ANXA5: variants seen among roughly 807,000 people sequenced by gnomAD.
ANXA5 encodes the protein CBP-I.
In ANXA5, 40 loss-of-function variants were observed where a neutral mutation model predicts 48.1. The observed-to-expected ratio is 0.83, with a 90% confidence interval of 0.65 to 1.08. The LOEUF is 1.08. ANXA5 is among the 50% of genes least tolerant of loss of function. The probability of loss-of-function intolerance (pLI) is 0.00; values close to 1 mark genes in which losing one functional copy is unlikely to be tolerated. For synonymous variants in ANXA5, 113 were observed against 129.1 expected, an observed-to-expected ratio of 0.88 and a Z score of 0.85; for missense variants, 357 against 376.8, an observed-to-expected ratio of 0.95 and a Z score of 0.44.
intron 12 of ANXA5, among the ~76,000 whole-genome samples, chr4:121,669,054 G>GAA (rs35301456): frequency 0.014 from 1,984 of 141,808 alleles, 21 homozygotes; most frequent in Middle Eastern, 0.022. Flanking sequence ...ACCTTTACTG[G>GAA]AAAAAAAAAA....
At chr4:121,689,955 T>G (rs1025965765) in intron 2 of ANXA5, among the ~76,000 whole-genome samples, 8 of 118,498 alleles carry the variant, frequency 6.8e-5, no homozygotes, top group Non-Finnish European at 1.9e-5. Context: ...CATTTCTCCA[T>G]AGTAGGCTTG....
intron 3 of ANXA5, among the ~76,000 whole-genome samples, chr4:121,685,311 G>C (rs56273607): frequency 0.053 from 8,067 of 152,118 alleles, 241 homozygotes; most frequent in South Asian, 0.12. Context: ...TGCCTCAGGA[G>C]AGATCTAGGT....
At chr4:121,678,361 C>T in intron 7 of ANXA5, 54 bp downstream of exon 7, 5 of 1,448,676 alleles carry the variant, frequency 3.5e-6, no homozygotes, top group Non-Finnish European at 4.8e-6. Context: ...CTAGATTCAG[C>T]CCAGTCCAAC....
chr4:121,674,818 C>T (rs1420280842), intron 8 of ANXA5, among the ~76,000 whole-genome samples: 3 of 152,152 alleles, frequency 2.0e-5, no homozygotes, highest in Non-Finnish European at 4.4e-5. Flanking sequence ...GGATGAGGGA[C>T]CCTTACACCC....
chr4:121,695,205 T>C (rs556172254), intron 2 of ANXA5, among the ~76,000 whole-genome samples: 62 of 152,234 alleles, frequency 4.1e-4, no homozygotes, highest in Non-Finnish European at 7.1e-4. Flanking sequence ...ATCCTTTCTA[T>C]GGAGAAGAAC....
intron 8 of ANXA5, among the ~76,000 whole-genome samples, chr4:121,674,182 A>AGGGAGGGGAG (rs1204861453): frequency 1.3e-5 from 1 of 74,116 alleles, no homozygotes; most frequent in Non-Finnish European, 2.8e-5. Context: ...AAAGGGGAAG[A>AGGGAGGGGAG]GGGAGGGGAG....
chr4:121,690,962 G>A (rs939258353), intron 2 of ANXA5, among the ~76,000 whole-genome samples: 1 of 152,190 alleles, frequency 6.6e-6, no homozygotes, highest in Non-Finnish European at 1.5e-5. Flanking sequence ...GACATCCTGT[G>A]CAAACCCCAT....
Position 121,668,271 on chromosome 4 carries a change from G to T in ANXA5, c.*197C>A. ...ACATTAAGTACACTTTAGTACTACA[G>T]CAGTCAAAGAGATCTCCACTAGAGA... On this transcript the variant is annotated 3_prime_UTR_variant, in exon 13 of 13. Transcript: ENST00000296511. 1 of 542,158 alleles carries T rather than the reference G, an allele frequency of 1.8e-6. No individual in the cohort carries two copies. The highest frequency in any genetic ancestry group is 3.3e-6 in the Non-Finnish European group (1 of 302,964). 33.6% of individuals were successfully genotyped at this position (542,158 alleles called of 1,614,324 possible).
intron 8 of ANXA5, among the ~76,000 whole-genome samples, chr4:121,675,357 C>T (rs1436095276): frequency 2.0e-5 from 3 of 152,190 alleles, no homozygotes; most frequent in Non-Finnish European, 2.9e-5. Context: ...CTTTAGCTGT[C>T]TCAGCTTACT....
At chr4:121,692,816 A>T (rs759673079) in intron 2 of ANXA5, among the ~76,000 whole-genome samples, 1 of 152,250 alleles carries the variant, frequency 6.6e-6, no homozygotes, top group Non-Finnish European at 1.5e-5. Flanking sequence ...TGCATCTATT[A>T]TATCAATAAA....
chr4:121,689,395 A>G (rs1287019680), intron 2 of ANXA5, among the ~76,000 whole-genome samples: 2 of 152,216 alleles, frequency 1.3e-5, no homozygotes, highest in Non-Finnish European at 2.9e-5. Flanking sequence ...CCCTCAAGTT[A>G]AGTGTGAAAT....
At position 121,672,631 on chromosome 4, in the gene ANXA5, A is replaced by G. The variant is rs1487396506; in HGVS notation, c.532-5T>C. 3 of 1,608,512 alleles carry G rather than the reference A, an allele frequency of 1.9e-6. No homozygotes were observed. Among genetic ancestry groups the G allele is most frequent in the Non-Finnish European group, 2.6e-6 (3 of 1,175,404 alleles). ...TTCTCCAGCCTGAAATAAAGCCTGC[A>G]AAAATTTCAAACTCAATTAATAAAT... On this transcript the variant is annotated splice_region_variant and splice_polypyrimidine_tract_variant and intron_variant, in intron 8 of 12. Coordinates refer to ENST00000296511, the MANE Select transcript of ANXA5 (RefSeq NM_001154.4).
chr4:121,672,749 T>G, intron 8 of ANXA5, 123 bp from the exon 9 acceptor site: 1 of 710,206 alleles, frequency 1.4e-6, no homozygotes, highest in Non-Finnish European at 2.4e-6. Flanking sequence ...TATTAATAGT[T>G]TTCATTTCTA....
intron 3 of ANXA5, among the ~76,000 whole-genome samples, chr4:121,685,520 GA>G (rs2110487313): frequency 6.6e-6 from 1 of 152,326 alleles, no homozygotes; most frequent in South Asian, 2.1e-4. Context: ...ATAAACAGCA[GA>G]TAAGCCAGGA....
chr4:121,675,616 C>T (rs1724684280), intron 8 of ANXA5, among the ~76,000 whole-genome samples: 1 of 152,162 alleles, frequency 6.6e-6, no homozygotes, highest in South Asian at 2.1e-4. Flanking sequence ...AAAGTAACTC[C>T]ATAAAGCAGT....
rs1472397055 is a variant in ANXA5 at position 121,672,591 on chromosome 4, T to G, written c.567A>C (p.Thr189=). The G allele has an allele frequency of 6.2e-7, 1 of 1,613,802 alleles. No homozygotes were observed. Among genetic ancestry groups the G allele is most frequent in the Non-Finnish European group, 8.5e-7 (1 of 1,179,902 alleles). Residue 189 remains threonine, a synonymous_variant, in exon 9 of 13, where the codon ACA becomes ACC. Coordinates refer to ENST00000296511, the MANE Select transcript of ANXA5 (RefSeq NM_001154.4). ...LFQAGELKWG[T]DEEKFITIFG... Reference sequence around the variant, plus strand: ...AGATGGTGATAAACTTTTCTTCATCTGTCCCCCATTTAAGTTCTCCAGCCT... The same window carrying G: ...AGATGGTGATAAACTTTTCTTCATCGGTCCCCCATTTAAGTTCTCCAGCCT...
Position 121,669,727 on chromosome 4 carries a change from T to TAA in ANXA5, c.781-4_781-3insTT. 3 of 1,537,972 alleles carry TAA rather than the reference T, an allele frequency of 2.0e-6. No individual in the cohort carries two copies. The South Asian group carries it at 3.7e-5, about 19-fold the overall frequency. ...GTATGATCATCTGTCCCAGCTCCCT[T>TAA]TAAAAAAAAAAAAAAAGAGAGAAGC... On this transcript the variant is annotated splice_region_variant and splice_polypyrimidine_tract_variant and intron_variant, in intron 11 of 12. Coordinates refer to ENST00000296511, the MANE Select transcript of ANXA5 (RefSeq NM_001154.4).
At chr4:121,671,670 T>C (rs754631699) in intron 9 of ANXA5, 28 bp from the exon 10 acceptor site, 1 of 1,416,602 alleles carries the variant, frequency 7.1e-7, no homozygotes, top group Non-Finnish European at 1.0e-6. Context: ...GATTCCCTAA[T>C]CATGTAGGGA....
chr4:121,677,098 A>G (rs985168975), intron 8 of ANXA5, among the ~76,000 whole-genome samples: 11 of 152,206 alleles, frequency 7.2e-5, no homozygotes, highest in African/African-American at 2.7e-4. Context: ...CTTTCCTGTT[A>G]GCAAAGTGAG....
Sources: allele counts gnomAD v4.1 joint callset (sites outside exome capture counted in the v4.1 genomes callset), GRCh38; gene constraint gnomAD v4.1.1; transcripts MANE v1.5; gene names NCBI Gene and HGNC (gene_info 2026-07-23, HGNC 2026-07-21).